GABRA5: variants seen among roughly 807,000 people sequenced by gnomAD.
The protein encoded by GABRA5 is gamma-aminobutyric acid type A receptor subunit alpha5.
A neutral mutation model predicts 47.3 loss-of-function variants in GABRA5; 18 were observed. The ratio of observed to expected loss-of-function variants is 0.38; its 90% CI spans 0.26 to 0.56. The LOEUF (loss-of-function observed/expected upper bound fraction) is 0.56, where lower values mean the gene tolerates loss of function less well. Among genes scored for constraint, GABRA5 ranks in the 20% least tolerant of loss-of-function variants. GABRA5 has a pLI of 0.71. For missense variants in GABRA5, 365 were observed against 599.3 expected (o/e 0.61, Z 4.08); for synonymous variants, 237 against 229.3 (o/e 1.03, Z -0.30).
chr15:26,920,009 C>G (rs1433366822), intron 7 of GABRA5, among the ~76,000 whole-genome samples: 1 of 151,878 alleles, frequency 6.6e-6, no homozygotes, highest in Non-Finnish European at 1.5e-5. Context: ...CAACTGGCTT[C>G]TCTCTGGCAG....
At chr15:26,941,004 G>A (rs1894370478) in intron 9 of GABRA5, among the ~76,000 whole-genome samples, 1 of 152,208 alleles carries the variant, frequency 6.6e-6, no homozygotes, top group African/African-American at 2.4e-5. Flanking sequence ...TCCAAAGCAG[G>A]AAAATATTAG....
intron 7 of GABRA5, among the ~76,000 whole-genome samples, chr15:26,929,432 C>G (rs949682746): frequency 7.2e-5 from 11 of 152,204 alleles, no homozygotes; most frequent in Admixed American, 3.3e-4. Flanking sequence ...GGAAAGAGTT[C>G]CATATCTTCC....
intron 3 of GABRA5, among the ~76,000 whole-genome samples, chr15:26,875,291 A>G (rs567082953): frequency 6.6e-6 from 1 of 152,260 alleles, no homozygotes; most frequent in African/African-American, 2.4e-5. Flanking sequence ...CACATCTGCA[A>G]TGTCTCCCTC....
intron 6 of GABRA5, among the ~76,000 whole-genome samples, chr15:26,887,102 C>T (rs1892898106): frequency 6.6e-6 from 1 of 152,150 alleles, no homozygotes; most frequent in Non-Finnish European, 1.5e-5. Context: ...TTGATCCAGT[C>T]ATTCCCACAT....
intron 3 of GABRA5, among the ~76,000 whole-genome samples, chr15:26,870,865 A>AT (rs1189691091): frequency 6.6e-6 from 1 of 152,212 alleles, no homozygotes; most frequent in Non-Finnish European, 1.5e-5. Flanking sequence ...GGTGAAGAAT[A>AT]TATCAGGATT....
intron 9 of GABRA5, among the ~76,000 whole-genome samples, chr15:26,941,702 C>T (rs6606896): frequency 0.83 from 126,506 of 151,952 alleles, 53,419 homozygotes; most frequent in Non-Finnish European, 0.91. Flanking sequence ...GGGCTGGCTC[C>T]TCCTGAGGCC....
chr15:26,876,252 G>A (rs569144993), intron 3 of GABRA5, among the ~76,000 whole-genome samples: 67 of 152,304 alleles, frequency 4.4e-4, no homozygotes, highest in African/African-American at 1.6e-3. Context: ...GAGGTCTGGA[G>A]GACAGAGAGG....
At chr15:26,878,318 G>C (rs1431807449) in intron 3 of GABRA5, among the ~76,000 whole-genome samples, 1 of 152,172 alleles carries the variant, frequency 6.6e-6, no homozygotes, top group Non-Finnish European at 1.5e-5. Flanking sequence ...ATGTGTGAAG[G>C]TCTCCTGTAT....
chr15:26,922,386 T>C (rs575157287), intron 7 of GABRA5, among the ~76,000 whole-genome samples: 5 of 152,314 alleles, frequency 3.3e-5, no homozygotes, highest in African/African-American at 1.2e-4. Flanking sequence ...ATGTGGCCAG[T>C]CTTGCTTTCT....
chr15:26,914,701 A>C (rs1595420103), intron 6 of GABRA5, 102 bp from the exon 7 acceptor site: 1 of 837,552 alleles, frequency 1.2e-6, no homozygotes, highest in East Asian at 2.6e-5. Flanking sequence ...AGAGACATTA[A>C]TTTTTAAAAG....
chr15:26,920,845 C>T (rs545972556), intron 7 of GABRA5, among the ~76,000 whole-genome samples: 1 of 152,276 alleles, frequency 6.6e-6, no homozygotes, highest in African/African-American at 2.4e-5. Context: ...CTGGATCCCA[C>T]TAGCACTCAG....
rs1388223594 is a variant in GABRA5, at chr15:26,869,183, A to G, written c.-66A>G. On this transcript the variant is annotated 5_prime_UTR_variant, in exon 3 of 11. Coordinates refer to ENST00000335625, the MANE Select transcript of GABRA5 (RefSeq NM_000810.4). ...CTTTGTGTGCTTTTCAGCTTCAAGAACAAGCTGGAGAAGGGAAGAGTTATT... is the reference window on the plus strand; with the variant it reads ...CTTTGTGTGCTTTTCAGCTTCAAGAGCAAGCTGGAGAAGGGAAGAGTTATT... 1 of 981,938 alleles carries G rather than the reference A, an allele frequency of 1.0e-6. No homozygotes were observed. Among genetic ancestry groups the G allele is most frequent in the African/African-American group, 1.6e-5 (1 of 62,716 alleles). The allele number at this position is 981,938 out of a possible 1,614,324, so 60.8% of individuals were successfully genotyped here.
intron 6 of GABRA5, among the ~76,000 whole-genome samples, chr15:26,911,859 G>A (rs866500866): frequency 9.2e-5 from 14 of 152,294 alleles, no homozygotes; most frequent in Non-Finnish European, 2.9e-5. Flanking sequence ...GCCTGCCGGG[G>A]TCTGGCAGAC....
chr15:26,947,428 C>T (rs772718295), intron 10 of GABRA5, among the ~76,000 whole-genome samples: 11 of 152,092 alleles, frequency 7.2e-5, no homozygotes, highest in Non-Finnish European at 1.5e-4. Flanking sequence ...ATTCAGCTTC[C>T]CCTTGTAAGT....
intron 10 of GABRA5, among the ~76,000 whole-genome samples, chr15:26,944,668 G>A (rs532744276): frequency 6.6e-6 from 1 of 152,330 alleles, no homozygotes; most frequent in African/African-American, 2.4e-5. Context: ...TGCAGACCAG[G>A]GGTCCAGAGA....
chr15:26,876,788 A>T (rs1361215841), intron 3 of GABRA5, among the ~76,000 whole-genome samples: 4 of 152,086 alleles, frequency 2.6e-5, no homozygotes, highest in African/African-American at 9.7e-5. Flanking sequence ...GTGGTATTAG[A>T]GCGGATGTGC....
intron 10 of GABRA5, among the ~76,000 whole-genome samples, chr15:26,944,312 T>C (rs1894460185): frequency 6.6e-6 from 1 of 152,234 alleles, no homozygotes; most frequent in African/African-American, 2.4e-5. Flanking sequence ...GTGCTTGCTC[T>C]GAGGGTTTGA....
chr15:26,911,659 T>C (rs1021451654), intron 6 of GABRA5, among the ~76,000 whole-genome samples: 13 of 152,070 alleles, frequency 8.5e-5, no homozygotes, highest in Non-Finnish European at 1.6e-4. Flanking sequence ...GAGGTTTCCC[T>C]GGGGTCTGCT....
rs569087942 is a variant in GABRA5, at chr15:26,879,088, T to C, written c.87-1758T>C. 3.9e-5 allele frequency among the ~76,000 whole-genome samples: 6 copies of C among 152,360 alleles called. No individual in the cohort carries two copies. The East Asian group carries it at 9.6e-4, about 24-fold the overall frequency. On this transcript the variant is annotated intron_variant, in intron 3 of 10. Transcript: ENST00000335625. ...TTAGGAACATTTTCACAACAGAGAA[T>C]GGAGTAGCTTAGAAAACTTTAATTT...
Sources: allele counts gnomAD v4.1 joint callset (sites outside exome capture counted in the v4.1 genomes callset), GRCh38; gene constraint gnomAD v4.1.1; transcripts MANE v1.5; gene names NCBI Gene and HGNC (gene_info 2026-07-23, HGNC 2026-07-21).